Variants in CNTN4 observed in about 807,000 individuals in gnomAD.
The protein encoded by CNTN4 is contactin 4, also known as contactin-4.
A neutral mutation model predicts 122.5 loss-of-function variants in CNTN4; 77 were observed. The observed-to-expected ratio is 0.63, with a 90% confidence interval of 0.52 to 0.76. The LOEUF is 0.76. Ranked by LOEUF, CNTN4 falls within the 30% of genes least tolerant of loss-of-function variation. CNTN4 has a pLI of 0.00. For missense variants in CNTN4, 1,256 were observed against 1,259.1 expected (o/e 1.00, Z 0.04); for synonymous variants, 512 against 447.0 (o/e 1.15, Z -1.83).
chr3:2,546,195 C>A (rs184277679), intron 3 of CNTN4, among the ~76,000 whole-genome samples: 3 of 151,984 alleles, frequency 2.0e-5, no homozygotes, highest in African/African-American at 7.2e-5. Context: ...ATAAATCATT[C>A]TGCCCTAAAT....
At chr3:2,812,619 G>A (rs922370349) in intron 6 of CNTN4, among the ~76,000 whole-genome samples, 1 of 151,700 alleles carries the variant, frequency 6.6e-6, no homozygotes, top group South Asian at 2.1e-4. Context: ...CCACTCTAAT[G>A]TTACTTTATC....
Position 2,109,686 on chromosome 3 carries a change from A to G in CNTN4, c.-145+9047A>G, listed in dbSNP as rs867566034. On this transcript the variant is annotated intron_variant, in intron 2 of 24. Transcript: ENST00000418658. ...TTTTGTAAGATTTGATTCTAGGCAC[A>G]TTGTCATCATTTTAAGTTGTGCAAA... Among the ~76,000 whole-genome samples the G allele has an allele frequency of 3.3e-5, 5 of 152,250 alleles. No homozygotes were observed. In the South Asian group the frequency reaches 1.0e-3, roughly 32 times the overall value.
At chr3:2,158,916 C>G (rs900576694) in intron 2 of CNTN4, among the ~76,000 whole-genome samples, 1 of 152,124 alleles carries the variant, frequency 6.6e-6, no homozygotes, top group African/African-American at 2.4e-5. Context: ...CTTTTTAAAG[C>G]ATAGTCAGTG....
chr3:2,514,526 A>G (rs2076985948), intron 3 of CNTN4, among the ~76,000 whole-genome samples: 1 of 152,090 alleles, frequency 6.6e-6, no homozygotes, highest in African/African-American at 2.4e-5. Flanking sequence ...TAGTAACTGT[A>G]ATACTTTTGG....
chr3:2,361,686 A>C (rs2045149874), intron 3 of CNTN4, among the ~76,000 whole-genome samples: 1 of 152,236 alleles, frequency 6.6e-6, no homozygotes, highest in Admixed American at 6.5e-5. Flanking sequence ...TTACTTTTAT[A>C]AAATAAAAAT....
At chr3:2,723,100 A>G (rs2087966017) in intron 4 of CNTN4, among the ~76,000 whole-genome samples, 1 of 152,162 alleles carries the variant, frequency 6.6e-6, no homozygotes, top group Non-Finnish European at 1.5e-5. Flanking sequence ...CTTTCCCACT[A>G]TATTTCTAGG....
intron 2 of CNTN4, among the ~76,000 whole-genome samples, chr3:2,293,144 G>A (rs2042193023): frequency 6.6e-6 from 1 of 152,132 alleles, no homozygotes; most frequent in Admixed American, 6.5e-5. Flanking sequence ...GAGGACTGTT[G>A]ATTGCAGATA....
At position 3,034,660 on chromosome 3, in the gene CNTN4, A is replaced by C; in HGVS notation, c.1812A>C (p.Thr604=). 1 of 1,614,148 alleles carries C rather than the reference A, an allele frequency of 6.2e-7. No homozygotes were observed. The highest frequency in any genetic ancestry group is 2.2e-5 in the East Asian group (1 of 44,876). Residue 604 remains threonine, a synonymous_variant, in exon 17 of 25, where the codon ACA becomes ACC. Coordinates refer to ENST00000418658, the MANE Select transcript of CNTN4 (RefSeq NM_175607.3). ...RGPPGPPEAV[T]IDEITDTTAQ... is the part of the protein sequence containing the mutation. ...CTCCAGGTCCCCCAGAGGCTGTGAC[A>C]ATAGACGAAATCACAGATACCACTG...
chr3:2,143,909 A>T (rs2035123874), intron 2 of CNTN4, among the ~76,000 whole-genome samples: 1 of 152,214 alleles, frequency 6.6e-6, no homozygotes, highest in South Asian at 2.1e-4. Context: ...AAATTGATTT[A>T]CCATAATATT....
chr3:2,916,730 G>A lies in CNTN4; in HGVS notation c.1208-8899G>A, dbSNP rs560931440. 1.9e-3 allele frequency among the ~76,000 whole-genome samples: 271 copies of A among 144,278 alleles called. 6 individuals are homozygous for A. The highest frequency in any genetic ancestry group is 6.0e-3 in the South Asian group (27 of 4,464). The allele number at this position is 144,278 out of a possible 152,430, so 94.7% of individuals were successfully genotyped here. A position where few individuals can be genotyped will look rare whatever the true frequency, so the allele number is the denominator to read the frequency against. On this transcript the variant is annotated intron_variant, in intron 12 of 24. Coordinates refer to ENST00000418658, the MANE Select transcript of CNTN4 (RefSeq NM_175607.3). ...GAGCTGTTGGGTACACCTCCCAGAC[G>A]GGGTGGCGGCCGGGCAGAGGGGCTC... is the stretch of plus-strand genomic sequence containing the variant.
chr3:2,848,006 C>T (rs1389147355), intron 7 of CNTN4, among the ~76,000 whole-genome samples: 1 of 152,130 alleles, frequency 6.6e-6, no homozygotes, highest in African/African-American at 2.4e-5. Context: ...CACCTGTAAT[C>T]CCAACACTTC....
intron 2 of CNTN4, among the ~76,000 whole-genome samples, chr3:2,170,123 C>A (rs984104407): frequency 2.3e-4 from 35 of 151,864 alleles, no homozygotes; most frequent in African/African-American, 7.2e-4. Flanking sequence ...AGATCGAGAC[C>A]ATCCTGGCTA....
chr3:2,901,592 G>A (rs1293701117), intron 11 of CNTN4, among the ~76,000 whole-genome samples: 1 of 152,164 alleles, frequency 6.6e-6, no homozygotes, highest in African/African-American at 2.4e-5. Flanking sequence ...CCTAGGTACT[G>A]GTATTTTCCT....
intron 2 of CNTN4, among the ~76,000 whole-genome samples, chr3:2,142,583 T>G: frequency 6.6e-6 from 1 of 152,182 alleles, no homozygotes; most frequent in Non-Finnish European, 1.5e-5. Context: ...CTGCAAGTGA[T>G]CTGCCCGCCT....
intron 13 of CNTN4, among the ~76,000 whole-genome samples, chr3:2,927,838 T>C (rs1577304249): frequency 6.6e-6 from 1 of 152,320 alleles, no homozygotes; most frequent in East Asian, 1.9e-4. Flanking sequence ...TTCCTGCTAT[T>C]TATCGCCTCC....
intron 2 of CNTN4, among the ~76,000 whole-genome samples, chr3:2,274,020 G>A (rs1028437777): frequency 1.3e-5 from 2 of 152,082 alleles, no homozygotes; most frequent in African/African-American, 4.8e-5. Context: ...TCTTAGGGAG[G>A]TAGATACACT....
chr3:2,416,780 A>T (rs1041792030), intron 3 of CNTN4, among the ~76,000 whole-genome samples: 1 of 151,988 alleles, frequency 6.6e-6, no homozygotes, highest in Non-Finnish European at 1.5e-5. Context: ...CAGCCTCCCG[A>T]GTAGCTGGGA....
rs1045823263 is a variant in CNTN4 at position 2,709,382 on chromosome 3, G to C, written c.56-26833G>C. On this transcript the variant is annotated intron_variant, in intron 4 of 24. Transcript: ENST00000418658. The surrounding 1 kb of genome is among the most constrained non-coding windows in gnomAD (Gnocchi z 5.0). ...GATGCGTAGGTCTCACGCCTGGTTA[G>C]GATTTGATTGGTAAGGGTACAACCT... 6.6e-6 allele frequency among the ~76,000 whole-genome samples: 1 copy of C among 151,864 alleles called. No homozygotes were observed. Among genetic ancestry groups the C allele is most frequent in the African/African-American group, 2.4e-5 (1 of 41,192 alleles).
At chr3:2,222,773 C>T (rs1485021331) in intron 2 of CNTN4, among the ~76,000 whole-genome samples, 1 of 152,088 alleles carries the variant, frequency 6.6e-6, no homozygotes, top group African/African-American at 2.4e-5. Context: ...AATGTGCTTC[C>T]TGAAAAGAAT....
Sources: gnomAD v4.1 joint callset for allele counts (sites outside exome capture counted in the v4.1 genomes callset) on GRCh38, gnomAD v4.1.1 for gene constraint, Gnocchi (gnomAD v3.1) non-coding constraint, MANE v1.5 for transcripts, NCBI Gene and HGNC (gene_info 2026-07-23, HGNC 2026-07-21) for gene names.